Variants in GSK3B observed in about 807,000 individuals in gnomAD.
GSK3B encodes the protein glycogen synthase kinase 3 beta, also known as glycogen synthase kinase-3 beta.
A neutral mutation model predicts 56.4 loss-of-function variants in GSK3B; 15 were observed. The observed-to-expected ratio is 0.27, with a 90% CI of 0.18 to 0.41. GSK3B has a LOEUF of 0.41. Among genes scored for constraint, GSK3B ranks in the 10% least tolerant of loss-of-function variants. GSK3B has a pLI of 1.00. For synonymous variants in GSK3B, 181 were observed against 188.9 expected (o/e 0.96, Z 0.34); for missense variants, 300 against 513.4 (o/e 0.58, Z 4.02).
At chr3:119,850,654 T>TGA (rs2055917707) in intron 9 of GSK3B, among the ~76,000 whole-genome samples, 2 of 152,098 alleles carry the variant, frequency 1.3e-5, no homozygotes, top group African/African-American at 4.8e-5. Flanking sequence ...GATAAGGAAA[T>TGA]GGAGTCAGTG....
In GSK3B at chr3:119,923,456, G is replaced by A. The variant is rs1275927228; in HGVS notation, c.394C>T (p.Leu132=). Residue 132 remains leucine, a synonymous_variant, in exon 4 of 11, where the codon CTG becomes TTG. Transcript: ENST00000264235. ...TATACTGTTTCCGGAACATAGTCCAGCACCAGATTAAGATAGACCTCATCT... is the reference window on the plus strand; with the variant it reads ...TATACTGTTTCCGGAACATAGTCCAACACCAGATTAAGATAGACCTCATCT... ...KKDEVYLNLV[L]DYVPETVYRV... 6.9e-6 allele frequency: 11 copies of A among 1,598,322 alleles called. No individual in the cohort carries two copies. The highest frequency in any genetic ancestry group is 8.6e-6 in the Non-Finnish European group (10 of 1,167,888).
At chr3:119,981,142 C>T (rs1448656222) in intron 2 of GSK3B, among the ~76,000 whole-genome samples, 2 of 152,050 alleles carry the variant, frequency 1.3e-5, no homozygotes, top group Non-Finnish European at 2.9e-5. Flanking sequence ...CTTTCTAGGT[C>T]CTGGGCTCTA....
intron 3 of GSK3B, among the ~76,000 whole-genome samples, chr3:119,934,650 TTAAC>T (rs1303769649): frequency 2.0e-5 from 3 of 152,164 alleles, no homozygotes; most frequent in African/African-American, 7.2e-5. Context: ...ACTATAATAA[TTAAC>T]TAACTGTAAC....
chr3:120,012,386 A>C (rs1327102375), intron 1 of GSK3B, among the ~76,000 whole-genome samples: 1 of 152,234 alleles, frequency 6.6e-6, no homozygotes, highest in Non-Finnish European at 1.5e-5. Flanking sequence ...AGTAATTTCC[A>C]AACTAATTAT....
Position 119,875,986 on chromosome 3 carries a change from A to G in GSK3B, c.909+427T>C, listed in dbSNP as rs563064237. On this transcript the variant is annotated intron_variant, in intron 8 of 10. Transcript: ENST00000264235. ...TAGGAAAGTAAACAAGAGAGGAAAA[A>G]CACAAAATGCCATCTATAATAAGAT... Among the ~76,000 whole-genome samples, 3 of 152,280 alleles carry G rather than the reference A, an allele frequency of 2.0e-5. No homozygotes were observed. The South Asian group carries it at 6.2e-4, about 32-fold the overall frequency.
intron 4 of GSK3B, among the ~76,000 whole-genome samples, chr3:119,919,041 T>TA (rs1195058591): frequency 4.0e-5 from 6 of 151,700 alleles, no homozygotes; most frequent in East Asian, 1.9e-4. Context: ...TATTTTCAAT[T>TA]AAAAAAAAAT....
chr3:119,924,390 T>A (rs1422819325), intron 3 of GSK3B, among the ~76,000 whole-genome samples: 1 of 152,230 alleles, frequency 6.6e-6, no homozygotes, highest in Non-Finnish European at 1.5e-5. Flanking sequence ...ATCTCCCAAT[T>A]TGAAATAATC....
At chr3:120,036,433 T>C (rs2058023483) in intron 1 of GSK3B, among the ~76,000 whole-genome samples, 1 of 152,154 alleles carries the variant, frequency 6.6e-6, no homozygotes, top group South Asian at 2.1e-4. Flanking sequence ...CCAATTAAAG[T>C]ATCTAAGAGA....
chr3:119,891,319 A>G (rs1306841140), intron 7 of GSK3B, among the ~76,000 whole-genome samples: 1 of 152,078 alleles, frequency 6.6e-6, no homozygotes, highest in Non-Finnish European at 1.5e-5. Context: ...AGCAAGTGAT[A>G]GATATGAAGA....
chr3:119,878,194 C>T (rs558227261), intron 7 of GSK3B, among the ~76,000 whole-genome samples: 61 of 152,130 alleles, frequency 4.0e-4, no homozygotes, highest in Non-Finnish European at 6.6e-4. Flanking sequence ...AGGCTAGTCA[C>T]GAACTTTGCA....
At chr3:120,016,214 A>C (rs1228012890) in intron 1 of GSK3B, among the ~76,000 whole-genome samples, 1 of 152,176 alleles carries the variant, frequency 6.6e-6, no homozygotes, top group Non-Finnish European at 1.5e-5. Flanking sequence ...TAAAATGAAG[A>C]CCCTAGAATA....
chr3:119,893,388 A>G (rs999563366), intron 7 of GSK3B, among the ~76,000 whole-genome samples: 2 of 152,024 alleles, frequency 1.3e-5, no homozygotes, highest in Admixed American at 1.3e-4. Flanking sequence ...TCTCCCCTAT[A>G]CTATATGATT....
chr3:119,891,364 CACAAACATAAG>C (rs1201309983), intron 7 of GSK3B, among the ~76,000 whole-genome samples: 1 of 151,918 alleles, frequency 6.6e-6, no homozygotes, highest in Non-Finnish European at 1.5e-5. Flanking sequence ...TCTTTAACAC[CACAAACATAAG>C]ACATTTTAAC....
intron 3 of GSK3B, among the ~76,000 whole-genome samples, chr3:119,942,603 T>C (rs746713449): frequency 5.3e-5 from 8 of 152,180 alleles, no homozygotes; most frequent in Non-Finnish European, 8.8e-5. Context: ...TTTTATCATA[T>C]GATCTTCAGA....
chr3:120,060,755 C>T (rs1379795657), intron 1 of GSK3B, among the ~76,000 whole-genome samples: 2 of 151,868 alleles, frequency 1.3e-5, no homozygotes, highest in African/African-American at 4.8e-5. Context: ...AATCTTGGGA[C>T]AGAAAGACTC....
At chr3:120,003,385 T>C (rs755226633) in intron 1 of GSK3B, among the ~76,000 whole-genome samples, 2 of 152,232 alleles carry the variant, frequency 1.3e-5, no homozygotes, top group East Asian at 1.9e-4. Context: ...AGCTTTACAT[T>C]GTTCTTTTAG....
In GSK3B at chr3:119,826,146, AC is replaced by A. The variant is rs2055500346; in HGVS notation, c.*641del. ...AGCAAAACAAAACCTTAACAAATCTACTAAGAATCTTCCCTGTAGAGTTCCA... is the reference window on the plus strand; with the variant it reads ...AGCAAAACAAAACCTTAACAAATCTATAAGAATCTTCCCTGTAGAGTTCCA... On this transcript the variant is annotated 3_prime_UTR_variant, in exon 11 of 11. Transcript: ENST00000264235. 1 of 235,874 alleles carries A rather than the reference AC, an allele frequency of 4.2e-6. No homozygotes were observed. Among genetic ancestry groups the A allele is most frequent in the South Asian group, 1.5e-4 (1 of 6,754 alleles). The allele number at this position is 235,874 out of a possible 1,614,324, so 14.6% of individuals were successfully genotyped here. A position where few individuals can be genotyped will look rare whatever the true frequency, so the allele number is the denominator to read the frequency against.
chr3:119,889,198 T>G (rs1305090496), intron 7 of GSK3B, among the ~76,000 whole-genome samples: 1 of 152,046 alleles, frequency 6.6e-6, no homozygotes, highest in Non-Finnish European at 1.5e-5. Context: ...GCAGCTCAGG[T>G]GGGCATCACG....
At chr3:120,029,599 T>A in intron 1 of GSK3B, 1 of 575,426 alleles carries the variant, frequency 1.7e-6, no homozygotes, top group Admixed American at 2.2e-5. Context: ...TGCACTAAGA[T>A]CCCAGAAGGG....
Sources: allele counts gnomAD v4.1 joint callset (sites outside exome capture counted in the v4.1 genomes callset), GRCh38; gene constraint gnomAD v4.1.1; transcripts MANE v1.5; gene names NCBI Gene and HGNC (gene_info 2026-07-23, HGNC 2026-07-21).